CYP2C8: variants seen among roughly 807,000 people sequenced by gnomAD.
The protein encoded by CYP2C8 is cytochrome P450 family 2 subfamily C member 8.
CYP2C8 carries 51 observed loss-of-function variants against 41.3 expected under a neutral mutation model. That is an observed-to-expected ratio of 1.24 (90% CI 0.99 to 1.56). The LOEUF is 1.56. CYP2C8 is among the 40% of genes most tolerant of loss of function. The probability of loss-of-function intolerance (pLI) is 0.00; values close to 1 mark genes in which losing one functional copy is unlikely to be tolerated. For synonymous variants in CYP2C8, 218 were observed against 205.8 expected (o/e 1.06, Z -0.51); for missense variants, 651 against 579.9 (o/e 1.12, Z -1.26).
intron 3 of CYP2C8, among the ~76,000 whole-genome samples, chr10:95,066,143 AGAGAGAGAGAGT>A (rs1311634803): frequency 2.7e-5 from 3 of 112,782 alleles, no homozygotes; most frequent in Non-Finnish European, 5.6e-5. Context: ...AGAGAGAGAG[AGAGAGAGAGAGT>A]GTGTGTGTGT....
chr10:95,049,637 C>T (rs1304431411), intron 5 of CYP2C8, among the ~76,000 whole-genome samples: 1 of 152,124 alleles, frequency 6.6e-6, no homozygotes, highest in Non-Finnish European at 1.5e-5. Flanking sequence ...GACTATAGGG[C>T]TCTGGGATGG....
intron 5 of CYP2C8, among the ~76,000 whole-genome samples, chr10:95,048,439 G>A (rs1005491376): frequency 1.3e-5 from 2 of 152,172 alleles, no homozygotes; most frequent in African/African-American, 4.8e-5. Flanking sequence ...ACCTCTGATC[G>A]AGGTGGCAAG....
At chr10:95,048,657 G>A (rs943346936) in intron 5 of CYP2C8, among the ~76,000 whole-genome samples, 6 of 152,000 alleles carry the variant, frequency 3.9e-5, no homozygotes, top group Non-Finnish European at 4.4e-5. Flanking sequence ...GCCAGCAGAT[G>A]TTGTAATAGG....
chr10:95,050,250 G>A (rs1377453097), intron 5 of CYP2C8, among the ~76,000 whole-genome samples: 1 of 152,074 alleles, frequency 6.6e-6, no homozygotes, highest in East Asian at 1.9e-4. Flanking sequence ...CTCAGCTGCA[G>A]TACAATAGAA....
intron 3 of CYP2C8, among the ~76,000 whole-genome samples, chr10:95,065,602 TA>T (rs1321429197): frequency 6.6e-6 from 1 of 152,220 alleles, no homozygotes; most frequent in African/African-American, 2.4e-5. Flanking sequence ...AGTAAATTGA[TA>T]AATGGAATCT....
chr10:95,037,238 T>G lies in CYP2C8; in HGVS notation c.1363A>C (p.Asn455His), dbSNP rs2032902544. ...LFLFLTTILQ[N>H]FNLKSVDDLK... is the part of the protein sequence containing the mutation. ...TCATCAACAGATTTCAGGTTAAAGT[T>G]CTGTAAAATTGTGGTTAGAAATAAA... Residue 455 changes from asparagine (N) to histidine (H), a missense_variant, in exon 9 of 9, where the codon AAC (asparagine) becomes CAC (histidine). Coordinates refer to ENST00000371270, the MANE Select transcript of CYP2C8 (RefSeq NM_000770.3). The G allele has an allele frequency of 6.2e-7, 1 of 1,613,774 alleles. No homozygotes were observed. Among genetic ancestry groups the G allele is most frequent in the South Asian group, 1.1e-5 (1 of 91,068 alleles).
chr10:95,040,074 C>T lies in CYP2C8; in HGVS notation c.1150-1036G>A, dbSNP rs563548163. ...AAATGAACTATATGCTTGTTCCTTGCCTGTATAGTAAACTGCAGGAGAAAA... is the reference window on the plus strand; with the variant it reads ...AAATGAACTATATGCTTGTTCCTTGTCTGTATAGTAAACTGCAGGAGAAAA... On this transcript the variant is annotated intron_variant, in intron 7 of 8. Coordinates refer to ENST00000371270, the MANE Select transcript of CYP2C8 (RefSeq NM_000770.3). Among the ~76,000 whole-genome samples the T allele has an allele frequency of 7.2e-5, 11 of 152,112 alleles. No homozygotes were observed. In the East Asian group the frequency reaches 2.1e-3, roughly 29 times the overall value.
intron 3 of CYP2C8, among the ~76,000 whole-genome samples, chr10:95,066,624 C>T (rs2033573718): frequency 6.6e-6 from 1 of 152,058 alleles, no homozygotes; most frequent in Non-Finnish European, 1.5e-5. Flanking sequence ...GAAATAAGAA[C>T]TGATGAAAAC....
chr10:95,053,385 A>C (rs2033247773), intron 5 of CYP2C8, among the ~76,000 whole-genome samples: 1 of 152,156 alleles, frequency 6.6e-6, no homozygotes, highest in African/African-American at 2.4e-5. Context: ...AAAACCAGAA[A>C]TACCATTTGA....
At chr10:95,041,015 C>T (rs1253162394) in intron 7 of CYP2C8, 16 of 455,680 alleles carry the variant, frequency 3.5e-5, no homozygotes, top group Admixed American at 9.4e-5. Context: ...CTTATGAATA[C>T]AGAAGTCCTG....
intron 2 of CYP2C8, 73 bp from the exon 3 acceptor site, chr10:95,067,430 T>A (rs1280831429): frequency 2.5e-6 from 4 of 1,613,078 alleles, no homozygotes. Context: ...TTGGCAGCCA[T>A]GCAGATAGGC....
chr10:95,053,755 G>A (rs2033256818), intron 5 of CYP2C8, among the ~76,000 whole-genome samples: 1 of 152,030 alleles, frequency 6.6e-6, no homozygotes. Context: ...TGACACACCA[G>A]GGCCTGTTGG....
intron 6 of CYP2C8, 76 bp downstream of exon 6, chr10:95,045,734 A>C: frequency 6.4e-7 from 1 of 1,568,638 alleles, no homozygotes; most frequent in South Asian, 1.1e-5. Flanking sequence ...CTCTGAGAGA[A>C]ACAAGGTGGA....
intron 4 of CYP2C8, among the ~76,000 whole-genome samples, chr10:95,061,930 G>T (rs913097022): frequency 3.6e-4 from 55 of 152,214 alleles, no homozygotes; most frequent in African/African-American, 1.1e-3. Flanking sequence ...GTTGTTCAGT[G>T]TCCATGTAGT....
In CYP2C8 at chr10:95,067,599, C is replaced by T; in HGVS notation, c.261G>A (p.Leu87=). ...CAGAAAACTCCTCTCCATTATCAAT[C>T]AGGGCTTCCTTCACTGCCTCATATC... ...FHGYEAVKEA[L]IDNGEEFSGR... The change falls in exon 2 of 9, where the codon CTG becomes CTA. Residue 87 remains leucine, a synonymous_variant. Transcript: ENST00000371270. 1 of 1,614,148 alleles carries T rather than the reference C, an allele frequency of 6.2e-7. No homozygotes were observed. Among genetic ancestry groups the T allele is most frequent in the Non-Finnish European group, 8.5e-7 (1 of 1,180,012 alleles).
Position 95,064,908 on chromosome 10 carries a change from G to T in CYP2C8, c.534C>A (p.Ile178=), listed in dbSNP as rs371717605. Residue 178 remains isoleucine (I), a synonymous_variant, in exon 4 of 9, where the codon ATC becomes ATA. Transcript: ENST00000371270. ...FILGCAPCNV[I]CSVVFQKRFD... is the part of the protein sequence containing the mutation. ...ATCGTTTCTGGAAAACAACGGAGCAGATCACATTGCAGGGAGCACAGCCCA... is the reference window on the plus strand; with the variant it reads ...ATCGTTTCTGGAAAACAACGGAGCATATCACATTGCAGGGAGCACAGCCCA... 1 of 1,613,318 alleles carries T rather than the reference G, an allele frequency of 6.2e-7. No homozygotes were observed. Among genetic ancestry groups the T allele is most frequent in the Non-Finnish European group, 8.5e-7 (1 of 1,179,942 alleles).
intron 7 of CYP2C8, chr10:95,039,482 T>TAA (rs1411017561): frequency 1.7e-5 from 3 of 174,428 alleles, no homozygotes; most frequent in African/African-American, 7.2e-5. Context: ...TCATCTGGGA[T>TAA]GACAACCACA....
In CYP2C8 at chr10:95,037,529, C is replaced by G. The variant is rs537219541; in HGVS notation, c.1292-220G>C. ...AAAAAGAGATATATTTGCTATCTGT[C>G]TAACATCTAATCTCAATAGGCACCC... On this transcript the variant is annotated intron_variant, in intron 8 of 8. Coordinates refer to ENST00000371270, the MANE Select transcript of CYP2C8 (RefSeq NM_000770.3). Among the ~76,000 whole-genome samples the G allele has an allele frequency of 3.3e-5, 5 of 152,258 alleles. No individual in the cohort carries two copies. The South Asian group carries it at 8.3e-4, about 25-fold the overall frequency.
intron 5 of CYP2C8, among the ~76,000 whole-genome samples, chr10:95,050,461 C>G (rs1173181601): frequency 6.6e-6 from 1 of 152,156 alleles, no homozygotes; most frequent in Non-Finnish European, 1.5e-5. Context: ...AAGCTTTGGG[C>G]AAGACCCAGT....
Sources: allele counts gnomAD v4.1 joint callset (sites outside exome capture counted in the v4.1 genomes callset), GRCh38; gene constraint gnomAD v4.1.1; transcripts MANE v1.5; gene names NCBI Gene and HGNC (gene_info 2026-07-23, HGNC 2026-07-21).